Variants in FHIT observed in about 807,000 individuals in gnomAD.
The protein encoded by FHIT is bis(5'-adenosyl)-triphosphatase.
In FHIT, 19 loss-of-function variants were observed where a neutral mutation model predicts 17.9. That is an observed-to-expected ratio of 1.06 (90% confidence interval 0.74 to 1.56). The LOEUF (loss-of-function observed/expected upper bound fraction) is 1.56, where lower values mean the gene tolerates loss of function less well. Among genes scored for constraint, FHIT ranks in the 40% most tolerant of loss-of-function variants. FHIT has a pLI of 0.00. For synonymous variants in FHIT, 81 were observed against 69.7 expected (o/e 1.16, Z -0.81); for missense variants, 248 against 189.2 (o/e 1.31, Z -1.82).
chr3:61,231,482 C>T (rs1388298904), intron 1 of FHIT, among the ~76,000 whole-genome samples: 1 of 146,334 alleles, frequency 6.8e-6, no homozygotes, highest in Non-Finnish European at 1.5e-5. Context: ...GAGTGAGTCT[C>T]GGTCTCTTAC....
chr3:60,209,702 G>C (rs759268745), intron 5 of FHIT, among the ~76,000 whole-genome samples: 2 of 152,154 alleles, frequency 1.3e-5, no homozygotes, highest in African/African-American at 2.4e-5. Flanking sequence ...CATCAATGAT[G>C]AACTGGATCA....
At chr3:60,608,129 C>T (rs1204133843) in intron 4 of FHIT, among the ~76,000 whole-genome samples, 2 of 152,178 alleles carry the variant, frequency 1.3e-5, no homozygotes, top group African/African-American at 2.4e-5. Context: ...CATCTTCCCT[C>T]GTCTGCTCAC....
At chr3:61,083,276 T>C (rs112832926) in intron 2 of FHIT, among the ~76,000 whole-genome samples, 13 of 152,288 alleles carry the variant, frequency 8.5e-5, no homozygotes, top group African/African-American at 2.9e-4. Flanking sequence ...AATCCAATTT[T>C]AGAACATTCT....
At chr3:60,199,464 C>G (rs1702798771) in intron 5 of FHIT, among the ~76,000 whole-genome samples, 1 of 152,122 alleles carries the variant, frequency 6.6e-6, no homozygotes. Flanking sequence ...AGACTGCCAG[C>G]TCACTTCATT....
At chr3:60,573,847 T>C (rs987579816) in intron 4 of FHIT, among the ~76,000 whole-genome samples, 13 of 152,084 alleles carry the variant, frequency 8.5e-5, no homozygotes, top group African/African-American at 3.1e-4. Flanking sequence ...TCTTGCTCTG[T>C]CACCCAGGCT....
chr3:60,101,196 C>T (rs1231651462), intron 5 of FHIT, among the ~76,000 whole-genome samples: 4 of 152,194 alleles, frequency 2.6e-5, no homozygotes, highest in Admixed American at 2.0e-4. Flanking sequence ...GGAACCCTGA[C>T]CCTGTGCTTC....
At chr3:60,013,514 T>C (rs1700219089) in intron 6 of FHIT, among the ~76,000 whole-genome samples, 1 of 152,192 alleles carries the variant, frequency 6.6e-6, no homozygotes, top group Non-Finnish European at 1.5e-5. Context: ...ATCTGATTTC[T>C]TCACTGGTCA....
intron 4 of FHIT, among the ~76,000 whole-genome samples, chr3:60,785,894 A>AAAACACACACAC (rs782044415): frequency 1.9e-3 from 136 of 70,248 alleles, no homozygotes; most frequent in African/African-American, 6.4e-3. Flanking sequence ...CAACAAACAG[A>AAAACACACACAC]AGACACACAC....
At chr3:60,884,910 C>CAAAA (rs71092651) in intron 3 of FHIT, among the ~76,000 whole-genome samples, 16 of 110,280 alleles carry the variant, frequency 1.5e-4, no homozygotes, top group African/African-American at 5.7e-4. Flanking sequence ...GACCCTTTCT[C>CAAAA]AAAAAAAAAA....
chr3:61,191,088 A>T (rs764098339), intron 2 of FHIT, among the ~76,000 whole-genome samples: 21 of 152,170 alleles, frequency 1.4e-4, no homozygotes, highest in African/African-American at 2.7e-4. Flanking sequence ...TAATAAAAAA[A>T]AAATAAAATA....
rs968621161 is a variant in FHIT at position 60,051,034 on chromosome 3, G to A, written c.104-36882C>T. Among the ~76,000 whole-genome samples, 13 of 152,080 alleles carry A rather than the reference G, an allele frequency of 8.5e-5. No homozygotes were observed. The East Asian group carries it at 2.5e-3, about 29-fold the overall frequency. ...TCCTCAGAGGGTTCCTATTCTAGAG[G>A]GGACAGCAAAGGAGAAGTAATTATA... On this transcript the variant is annotated intron_variant, in intron 5 of 9. Coordinates refer to ENST00000492590, the MANE Select transcript of FHIT (RefSeq NM_002012.4).
chr3:59,976,474 A>C (rs935990093), intron 7 of FHIT, among the ~76,000 whole-genome samples: 2 of 152,108 alleles, frequency 1.3e-5, no homozygotes, highest in African/African-American at 4.8e-5. Flanking sequence ...GTTTCTTTAG[A>C]AACTTTGTCT....
At chr3:60,999,898 TC>T (rs2030947783) in intron 3 of FHIT, among the ~76,000 whole-genome samples, 1 of 152,114 alleles carries the variant, frequency 6.6e-6, no homozygotes, top group African/African-American at 2.4e-5. Context: ...AGGGCCCACT[TC>T]TGGTTCACAG....
intron 5 of FHIT, among the ~76,000 whole-genome samples, chr3:60,059,203 G>A (rs1040652959): frequency 6.6e-6 from 1 of 152,174 alleles, no homozygotes. Flanking sequence ...GGAAACACCT[G>A]TAACTGGTAA....
chr3:61,207,242 T>C (rs2039271778), intron 1 of FHIT, among the ~76,000 whole-genome samples: 1 of 152,180 alleles, frequency 6.6e-6, no homozygotes, highest in Non-Finnish European at 1.5e-5. Flanking sequence ...TGAGGGTTTC[T>C]GCATTGATGT....
rs149238592 is a variant in FHIT, at chr3:60,010,378, T to A, written c.279+993A>T. Among the ~76,000 whole-genome samples, 601 of 152,316 alleles carry A rather than the reference T, an allele frequency of 3.9e-3. 16 individuals are homozygous for A. The highest frequency in any genetic ancestry group is 2.6e-3 in the Non-Finnish European group (180 of 68,022). ...TGGTAGCCCATATGGTGGCAGTCCC[T>A]ACATAAACTTTCACTGCTTAGAAGT... On this transcript the variant is annotated intron_variant, in intron 7 of 9. Transcript: ENST00000492590.
At chr3:60,720,089 T>C (rs553649624) in intron 4 of FHIT, among the ~76,000 whole-genome samples, 12 of 152,292 alleles carry the variant, frequency 7.9e-5, no homozygotes, top group East Asian at 1.9e-4. Flanking sequence ...TTCCCACCTC[T>C]ATATCTTATC....
At chr3:60,791,554 G>A (rs1700776701) in intron 4 of FHIT, among the ~76,000 whole-genome samples, 1 of 152,156 alleles carries the variant, frequency 6.6e-6, no homozygotes, top group Non-Finnish European at 1.5e-5. Context: ...CATGCAACAT[G>A]CTTTGGAAAG....
chr3:60,927,751 C>T (rs4974250), intron 3 of FHIT, among the ~76,000 whole-genome samples: 54,737 of 151,590 alleles, frequency 0.36, 10,694 homozygotes, highest in South Asian at 0.44. Context: ...ACCCGGCAGC[C>T]GCCCCGCCTG....
Sources: gnomAD v4.1 joint callset for allele counts (sites outside exome capture counted in the v4.1 genomes callset) on GRCh38, gnomAD v4.1.1 for gene constraint, MANE v1.5 for transcripts, NCBI Gene and HGNC (gene_info 2026-07-23, HGNC 2026-07-21) for gene names.